CNTRL: variants seen among roughly 807,000 people sequenced by gnomAD.
CNTRL encodes 110 kDa centrosomal protein.
CNTRL carries 233 observed loss-of-function variants against 303.7 expected under a neutral mutation model. The observed-to-expected ratio is 0.77, with a 90% CI of 0.69 to 0.86. The LOEUF (loss-of-function observed/expected upper bound fraction) is 0.86. Among genes scored for constraint, CNTRL ranks in the 40% least tolerant of loss-of-function variants. The pLI is 0.00. For missense variants in CNTRL, 2,524 were observed against 2,650.6 expected (o/e 0.95, Z 1.05); for synonymous variants, 900 against 922.2 (o/e 0.98, Z 0.44).
intron 4 of CNTRL, among the ~76,000 whole-genome samples, chr9:121,093,429 G>A (rs1271995991): frequency 6.6e-6 from 1 of 152,122 alleles, no homozygotes; most frequent in Non-Finnish European, 1.5e-5. Flanking sequence ...TTTTTGATTT[G>A]TGTTGCTTAA....
At chr9:121,083,084 C>A (rs570025119) in intron 2 of CNTRL, among the ~76,000 whole-genome samples, 2 of 152,084 alleles carry the variant, frequency 1.3e-5, no homozygotes, top group Non-Finnish European at 2.9e-5. Context: ...CTGGAAGTTT[C>A]TTTCCCAGTT....
intron 38 of CNTRL, 23 bp downstream of exon 38, chr9:121,168,344 C>T: frequency 6.3e-7 from 1 of 1,596,754 alleles, no homozygotes. Context: ...GAACTTCTCA[C>T]TGGGAGATGG....
intron 23 of CNTRL, among the ~76,000 whole-genome samples, chr9:121,147,991 A>G (rs1321491356): frequency 6.6e-6 from 1 of 152,328 alleles, no homozygotes; most frequent in East Asian, 1.9e-4. Context: ...GGACCACAGA[A>G]GACTGGTGAC....
chr9:121,151,384 C>CTTTTTTTTTTT lies in CNTRL; in HGVS notation c.3963+903_3963+904insTTTTTTTTTTT, dbSNP rs200247383. Reference sequence around the variant, plus strand: ...GATTACTTCCTTTTTCTTTTTTCTTCTTCTTTTTTTTTTTTTTTTTTTTTG... The same window carrying CTTTTTTTTTTT: ...GATTACTTCCTTTTTCTTTTTTCTTCTTTTTTTTTTTTTCTTTTTTTTTTTTTTTTTTTTTG... On this transcript the variant is annotated intron_variant, in intron 25 of 43. Transcript: ENST00000373855. Among the ~76,000 whole-genome samples, 59 of 91,502 alleles carry CTTTTTTTTTTT rather than the reference C, an allele frequency of 6.4e-4. 5 individuals are homozygous for CTTTTTTTTTTT. The highest frequency in any genetic ancestry group is 2.3e-3 in the East Asian group (5 of 2,214). 60.0% of individuals were successfully genotyped at this position (91,502 alleles called of 152,430 possible).
chr9:121,112,942 T>C (rs913114903), intron 9 of CNTRL, among the ~76,000 whole-genome samples: 4 of 152,202 alleles, frequency 2.6e-5, no homozygotes, highest in African/African-American at 9.6e-5. Context: ...ACATGGTTTG[T>C]TCAGTAATTA....
chr9:121,088,540 A>G lies in CNTRL; in HGVS notation c.214A>G (p.Lys72Glu). 2 of 1,591,624 alleles carry G rather than the reference A, an allele frequency of 1.3e-6. No individual in the cohort carries two copies. Among genetic ancestry groups the G allele is most frequent in the Non-Finnish European group, 1.7e-6 (2 of 1,160,804 alleles). The part of the protein sequence containing the change: ...NNMLLDYQDH[K>E]GADSHAGVRY... Reference sequence around the variant, plus strand: ...TATGCTTTTGGACTATCAAGACCATAAAGGTATCACTTTTTAATCTAAGAA... The same window carrying G: ...TATGCTTTTGGACTATCAAGACCATGAAGGTATCACTTTTTAATCTAAGAA... Residue 72 changes from lysine (K) to glutamate (E), a missense_variant, in exon 3 of 44, where the codon AAA becomes GAA. By Grantham distance (56) the Lys-to-Glu change is moderately conservative (BLOSUM62 1). Transcript: ENST00000373855.
chr9:121,084,289 T>C (rs1391643715), intron 2 of CNTRL, among the ~76,000 whole-genome samples: 1 of 152,242 alleles, frequency 6.6e-6, no homozygotes, highest in Non-Finnish European at 1.5e-5. Context: ...CTGTGTATCA[T>C]GAAAATCATT....
intron 11 of CNTRL, 152 bp downstream of exon 11, chr9:121,115,352 G>T: frequency 2.1e-6 from 1 of 477,024 alleles, no homozygotes. Flanking sequence ...TCTAGAATTT[G>T]CCAATTGTAA....
At chr9:121,090,766 T>C (rs1317151238) in intron 4 of CNTRL, among the ~76,000 whole-genome samples, 2 of 152,262 alleles carry the variant, frequency 1.3e-5, no homozygotes, top group Admixed American at 1.3e-4. Flanking sequence ...TGCCACAGAC[T>C]ATATGGCCCG....
At chr9:121,168,006 C>G in intron 37 of CNTRL, 90 bp from the exon 38 acceptor site, 2 of 1,130,810 alleles carry the variant, frequency 1.8e-6, no homozygotes, top group Non-Finnish European at 2.5e-6. Context: ...CTTCTACTTT[C>G]TTTTGACCTG....
intron 15 of CNTRL, among the ~76,000 whole-genome samples, chr9:121,138,292 CT>C (rs1318128310): frequency 1.3e-5 from 2 of 152,126 alleles, no homozygotes; most frequent in African/African-American, 4.8e-5. Context: ...CGGCCCACCC[CT>C]GAAGATTCTG....
At chr9:121,153,845 C>T (rs1419538685) in intron 26 of CNTRL, among the ~76,000 whole-genome samples, 1 of 152,194 alleles carries the variant, frequency 6.6e-6, no homozygotes, top group African/African-American at 2.4e-5. Context: ...CAGCAGACAT[C>T]TGACTAATAG....
At chr9:121,124,515 G>A (rs1224346500) in intron 13 of CNTRL, among the ~76,000 whole-genome samples, 3 of 152,128 alleles carry the variant, frequency 2.0e-5, no homozygotes, top group Non-Finnish European at 4.4e-5. Context: ...AAGACAATAG[G>A]CCATAGTGGT....
In CNTRL at chr9:121,142,396, G is replaced by A. The variant is rs118006341; in HGVS notation, c.2871+126G>A. The A allele has an allele frequency of 6.9e-3, 4,955 of 715,728 alleles. 29 individuals carry two copies. Among genetic ancestry groups the A allele is most frequent in the Non-Finnish European group, 9.2e-3 (4,284 of 467,758 alleles). The allele number at this position is 715,728 out of a possible 1,614,324, so 44.3% of individuals were successfully genotyped here. A position where few individuals can be genotyped will look rare whatever the true frequency, so the allele number is the denominator to read the frequency against. Reference sequence around the variant, plus strand: ...CTGGCTGCATTGCTGGCACAGTGCTGAACCTGACCTAGGTGGGACCTGGAT... The same window carrying A: ...CTGGCTGCATTGCTGGCACAGTGCTAAACCTGACCTAGGTGGGACCTGGAT... On this transcript the variant is annotated intron_variant, in intron 19 of 43. Coordinates refer to ENST00000373855, the MANE Select transcript of CNTRL (RefSeq NM_007018.6).
intron 12 of CNTRL, among the ~76,000 whole-genome samples, chr9:121,119,144 A>G (rs565513792): frequency 1.3e-5 from 2 of 152,034 alleles, no homozygotes; most frequent in East Asian, 3.9e-4. Flanking sequence ...TGTCTAAAAC[A>G]AAACAACCTA....
chr9:121,083,831 G>A (rs2132110844), intron 2 of CNTRL, among the ~76,000 whole-genome samples: 1 of 152,264 alleles, frequency 6.6e-6, no homozygotes, highest in African/African-American at 2.4e-5. Flanking sequence ...CATATATGAT[G>A]TTACTAAGTT....
chr9:121,107,227 C>T (rs775043859), intron 7 of CNTRL, among the ~76,000 whole-genome samples: 1 of 151,970 alleles, frequency 6.6e-6, no homozygotes, highest in Non-Finnish European at 1.5e-5. Flanking sequence ...GAAGACAGTT[C>T]TAGGGAAAGT....
At chr9:121,174,906 A>C in intron 42 of CNTRL, 112 bp from the exon 43 acceptor site, 1 of 889,794 alleles carries the variant, frequency 1.1e-6, no homozygotes, top group Non-Finnish European at 1.8e-6. Context: ...CATTTTTGAC[A>C]GCCATTCCTA....
Position 121,168,272 on chromosome 9 carries a change from G to A in CNTRL, c.6021G>A (p.Gln2007=). The change falls in exon 38 of 44, where the codon CAG becomes CAA. Residue 2007 remains glutamine, a synonymous_variant. Transcript: ENST00000373855. ...LAAEERVRTL[Q]EEERWCESLE... is the part of the protein sequence containing the mutation. ...CTGAAGAGCGTGTTAGGACTCTGCA[G>A]GAAGAGGAGAGGTGGTGTGAGAGCC... The A allele has an allele frequency of 6.2e-7, 1 of 1,614,184 alleles. No individual in the cohort carries two copies. Among genetic ancestry groups the A allele is most frequent in the African/African-American group, 1.3e-5 (1 of 75,058 alleles).
Sources: gnomAD v4.1 joint callset for allele counts (sites outside exome capture counted in the v4.1 genomes callset) on GRCh38, gnomAD v4.1.1 for gene constraint, MANE v1.5 for transcripts, NCBI Gene and HGNC (gene_info 2026-07-23, HGNC 2026-07-21) for gene names.